Variants in MFSD8 observed in about 807,000 individuals in gnomAD.
The protein encoded by MFSD8 is major facilitator superfamily domain containing 8, also known as major facilitator superfamily domain-containing protein 8.
Under a neutral mutation model 66.4 loss-of-function variants are expected in MFSD8, and 55 were observed. The observed-to-expected ratio is 0.83, with a 90% CI of 0.67 to 1.04. The LOEUF (loss-of-function observed/expected upper bound fraction) is 1.04, where lower values mean the gene tolerates loss of function less well. Ranked by LOEUF, MFSD8 falls within the 50% of genes least tolerant of loss-of-function variation. The probability of loss-of-function intolerance (pLI) is 0.00; values close to 1 mark genes in which losing one functional copy is unlikely to be tolerated. For missense variants in MFSD8, 550 were observed against 627.6 expected (o/e 0.88, Z 1.32); for synonymous variants, 202 against 212.8 (o/e 0.95, Z 0.44).
chr4:127,949,395 G>A (rs1741579022), intron 3 of MFSD8, among the ~76,000 whole-genome samples: 1 of 152,112 alleles, frequency 6.6e-6, no homozygotes, highest in African/African-American at 2.4e-5. Context: ...TTACCTGATA[G>A]CCCAAATTAA....
rs72681854 is a variant in MFSD8, at chr4:127,929,406, G to A, written c.998+1277C>T. 4.3e-3 allele frequency among the ~76,000 whole-genome samples: 597 copies of A among 137,580 alleles called. 1 individual carries two copies. The highest frequency in any genetic ancestry group is 0.026 in the Middle Eastern group (7 of 268). The allele number at this position is 137,580 out of a possible 152,430, so 90.3% of individuals were successfully genotyped here. On this transcript the variant is annotated intron_variant, in intron 9 of 11. Coordinates refer to ENST00000641686, the MANE Select transcript of MFSD8 (RefSeq NM_001371596.2). ...AGCCCAGGAAACAAAGCAAGATCTT[G>A]TCTCTACAAAAAGTTAAAAAAAAAA...
chr4:127,959,130 T>C (rs971663165), intron 1 of MFSD8, among the ~76,000 whole-genome samples: 1 of 152,212 alleles, frequency 6.6e-6, no homozygotes, highest in Non-Finnish European at 1.5e-5. Context: ...TACCTTTTGA[T>C]GTAATGTAGT....
chr4:127,947,009 A>G (rs1741147659), intron 3 of MFSD8, among the ~76,000 whole-genome samples: 1 of 152,118 alleles, frequency 6.6e-6, no homozygotes, highest in Non-Finnish European at 1.5e-5. Context: ...ATACAGTGTT[A>G]GGACACTCCA....
In MFSD8 at chr4:127,919,233, TCTCA is replaced by T. The variant is rs2148834233; in HGVS notation, c.*1393_*1396del. 1 of 152,334 alleles carries T rather than the reference TCTCA, an allele frequency of 6.6e-6. No homozygotes were observed. Among genetic ancestry groups the T allele is most frequent in the African/African-American group, 2.4e-5 (1 of 41,570 alleles). The allele number at this position is 152,334 out of a possible 1,614,324, so 9.4% of individuals were successfully genotyped here. A position where few individuals can be genotyped will look rare whatever the true frequency, so the allele number is the denominator to read the frequency against. On this transcript the variant is annotated 3_prime_UTR_variant, in exon 12 of 12. Transcript: ENST00000641686. ...GTTTTTATTTTTTGTAAAGACAGGG[TCTCA>T]CTTTGTTTCCCAGGCTGGTCTTGAA...
upstream of MFSD8, chr4:127,965,197 G>C: frequency 6.2e-7 from 1 of 1,600,742 alleles, no homozygotes; most frequent in Non-Finnish European, 8.5e-7. Flanking sequence ...TCCCATCCCG[G>C]GTGGCGTGAA....
At chr4:127,965,453 C>T (rs1190458512), upstream of MFSD8, 1 of 502,280 alleles carries the variant, frequency 2.0e-6, no homozygotes, top group South Asian at 2.1e-5. Context: ...CCCTCCGTTT[C>T]TCCTTCCGCT....
intron 1 of MFSD8, among the ~76,000 whole-genome samples, chr4:127,960,681 G>C (rs1743595839): frequency 6.6e-6 from 1 of 152,070 alleles, no homozygotes; most frequent in Non-Finnish European, 1.5e-5. Context: ...AAATTTTACA[G>C]AGACTAGGCT....
intron 2 of MFSD8, among the ~76,000 whole-genome samples, chr4:127,954,630 A>AC (rs1187257617): frequency 6.6e-6 from 1 of 152,226 alleles, no homozygotes; most frequent in Non-Finnish European, 1.5e-5. Flanking sequence ...AGAAAAAAAC[A>AC]GAGAAGGTGG....
At chr4:127,930,360 A>T (rs1430243152) in intron 9 of MFSD8, among the ~76,000 whole-genome samples, 1 of 152,238 alleles carries the variant, frequency 6.6e-6, no homozygotes, top group Non-Finnish European at 1.5e-5. Flanking sequence ...ATCTTAACCA[A>T]GATTTTCCAA....
chr4:127,947,863 A>ACAC (rs1741317139), intron 3 of MFSD8, among the ~76,000 whole-genome samples: 2 of 141,186 alleles, frequency 1.4e-5, no homozygotes, highest in South Asian at 2.4e-4. Context: ...TGCACGTGTG[A>ACAC]ACACACACAC....
rs145529594 is a variant in MFSD8 at position 127,957,589 on chromosome 4, T to C, written c.66A>G (p.Glu22=). ...PLLGDTPGSR[E]WDILETEEHY... ...GCTCTTCAGTCTCTAAAATGTCCCA[T>C]TCTCTAGGTGTAAAGAAGAAAAAAG... The change falls in exon 2 of 12, where the codon GAA becomes GAG. Residue 22 remains glutamate (E), a synonymous_variant. Transcript: ENST00000641686. 4.4e-6 allele frequency: 7 copies of C among 1,606,154 alleles called. No homozygotes were observed. The African/African-American group carries it at 9.4e-5, about 21-fold the overall frequency.
chr4:127,946,655 C>A (rs953760963), intron 3 of MFSD8, among the ~76,000 whole-genome samples: 2 of 152,096 alleles, frequency 1.3e-5, no homozygotes, highest in Non-Finnish European at 2.9e-5. Flanking sequence ...GTGGCTCACA[C>A]TTGTAATGCC....
At chr4:127,941,815 A>G (rs1412293850) in intron 5 of MFSD8, among the ~76,000 whole-genome samples, 1 of 152,064 alleles carries the variant, frequency 6.6e-6, no homozygotes, top group Non-Finnish European at 1.5e-5. Flanking sequence ...ATTTACTTAG[A>G]TTCTCTATGC....
At position 127,939,901 on chromosome 4, in the gene MFSD8, C is replaced by T. The variant is rs1374902885; in HGVS notation, c.650G>A (p.Ser217Asn). ...INMYTTPVLL[S>N]AFLGILNIIL... ...AATATTTAAAATTCCCAGGAAGGCG[C>T]TAAGTAAAACTGGTGTTGTATACAT... The change falls in exon 6 of 12, where the codon AGC becomes AAC. Residue 217 changes from serine (S) to asparagine (N), a missense_variant. Physicochemically the swap from Ser to Asn is conservative, Grantham distance 46 (BLOSUM62 1). Coordinates refer to ENST00000641686, the MANE Select transcript of MFSD8 (RefSeq NM_001371596.2). The T allele has an allele frequency of 6.2e-7, 1 of 1,613,506 alleles. No individual in the cohort carries two copies. Among genetic ancestry groups the T allele is most frequent in the East Asian group, 2.2e-5 (1 of 44,786 alleles).
intron 1 of MFSD8, among the ~76,000 whole-genome samples, chr4:127,960,883 A>G (rs1001559953): frequency 1.3e-5 from 2 of 152,188 alleles, no homozygotes; most frequent in Non-Finnish European, 2.9e-5. Context: ...TATACTTATT[A>G]TTATATTTTA....
intron 1 of MFSD8, among the ~76,000 whole-genome samples, chr4:127,962,146 GT>G (rs1327001499): frequency 6.6e-6 from 1 of 152,142 alleles, no homozygotes; most frequent in Non-Finnish European, 1.5e-5. Context: ...AAAAGCAGAC[GT>G]AAGTACTTAA....
chr4:127,948,910 T>A (rs959675440), intron 3 of MFSD8, among the ~76,000 whole-genome samples: 2 of 152,184 alleles, frequency 1.3e-5, no homozygotes, highest in African/African-American at 2.4e-5. Flanking sequence ...ATTCCTTTTT[T>A]AAAATAAATT....
chr4:127,941,905 C>T, intron 5 of MFSD8, 140 bp downstream of exon 5: 1 of 684,608 alleles, frequency 1.5e-6, no homozygotes, highest in East Asian at 2.7e-5. Context: ...AGTGTAGCCT[C>T]ATTCCTGGAT....
rs758284800 is a variant in MFSD8 at position 127,921,849 on chromosome 4, T to C, written c.1102+11A>G. On this transcript the variant is annotated intron_variant, in intron 10 of 11. Transcript: ENST00000641686. ...CAGAGGTTAACATTATAGAATTATG[T>C]ATGGCTATACCTTCCCACTGTATTT... is the stretch of plus-strand genomic sequence containing the variant. 1 of 1,613,900 alleles carries C rather than the reference T, an allele frequency of 6.2e-7. No individual in the cohort carries two copies. The highest frequency in any genetic ancestry group is 8.5e-7 in the Non-Finnish European group (1 of 1,179,782).
Sources: allele counts gnomAD v4.1 joint callset (sites outside exome capture counted in the v4.1 genomes callset), GRCh38; gene constraint gnomAD v4.1.1; transcripts MANE v1.5; gene names NCBI Gene and HGNC (gene_info 2026-07-23, HGNC 2026-07-21).